DPH6: variants seen among roughly 807,000 people sequenced by gnomAD.
DPH6 encodes the protein diphthamine biosynthesis 6.
A neutral mutation model predicts 38.2 loss-of-function variants in DPH6; 33 were observed. The ratio of observed to expected loss-of-function variants is 0.86; its 90% CI spans 0.65 to 1.15. The LOEUF (loss-of-function observed/expected upper bound fraction) is 1.15, where lower values mean the gene tolerates loss of function less well. Ranked by LOEUF, DPH6 falls within the 50% of genes most tolerant of loss-of-function variation. The probability of loss-of-function intolerance (pLI) is 0.00; values close to 1 mark genes in which losing one functional copy is unlikely to be tolerated. For missense variants in DPH6, 325 were observed against 320.0 expected (o/e 1.02, Z -0.12); for synonymous variants, 108 against 103.0 (o/e 1.05, Z -0.30).
the DPH6 span, among the ~76,000 whole-genome samples, chr15:35,168,070 A>G: frequency 1.3e-5 from 2 of 152,064 alleles, no homozygotes. Flanking sequence ...TGAGACAAAA[A>G]AGACTTAACA....
At chr15:35,359,431 C>G (rs1310520664) in intron 3 of DPH6, among the ~76,000 whole-genome samples, 1 of 152,190 alleles carries the variant, frequency 6.6e-6, no homozygotes, top group East Asian at 1.9e-4. Context: ...TTACAAAGTT[C>G]AGCTAGAGAT....
At chr15:35,344,292 T>G (rs2052444964) in intron 3 of DPH6, among the ~76,000 whole-genome samples, 1 of 151,984 alleles carries the variant, frequency 6.6e-6, no homozygotes, top group African/African-American at 2.4e-5. Context: ...AGAAAAATAT[T>G]TGTTCCAAGC....
At chr15:35,268,216 T>TAAAA (rs904624491) in intron 3 of DPH6, among the ~76,000 whole-genome samples, 2 of 123,136 alleles carry the variant, frequency 1.6e-5, no homozygotes, top group African/African-American at 3.0e-5. Context: ...AATAAATAAA[T>TAAAA]AAAAGAAAAC....
chr15:35,178,921 T>C, the DPH6 span, among the ~76,000 whole-genome samples: 1 of 152,070 alleles, frequency 6.6e-6, no homozygotes, highest in African/African-American at 2.4e-5. Context: ...AAATGTGTTA[T>C]GCTGGCCGGA....
rs887062090 is a variant in DPH6 at position 35,240,443 on chromosome 15, T to C, written n.201-19861A>G. ...CTTCCTTTTCTACAGACCCATCTGATCTCTCCCCTCCTTGCCAGCCCAAGC... is the reference window on the plus strand; with the variant it reads ...CTTCCTTTTCTACAGACCCATCTGACCTCTCCCCTCCTTGCCAGCCCAAGC... On this transcript the variant is annotated intron_variant and non_coding_transcript_variant, in intron 3 of 3. Transcript: ENST00000560386. Among the ~76,000 whole-genome samples, 74 of 142,164 alleles carry C rather than the reference T, an allele frequency of 5.2e-4. 11 individuals carry two copies. Among genetic ancestry groups the C allele is most frequent in the Admixed American group, 3.9e-3 (51 of 12,990 alleles). The allele number at this position is 142,164 out of a possible 152,430, so 93.3% of individuals were successfully genotyped here.
chr15:35,544,801 T>C (rs1167951673), intron 1 of DPH6, among the ~76,000 whole-genome samples: 1 of 152,216 alleles, frequency 6.6e-6, no homozygotes, highest in African/African-American at 2.4e-5. Flanking sequence ...CAATCTTCTC[T>C]CCTCCCCTCC....
chr15:35,343,512 A>C (rs1406778861), intron 3 of DPH6, among the ~76,000 whole-genome samples: 3 of 152,014 alleles, frequency 2.0e-5, no homozygotes, highest in African/African-American at 7.2e-5. Context: ...AATACCACAC[A>C]AAAGTCCATG....
chr15:35,437,162 C>T (rs1412802417), intron 5 of DPH6, among the ~76,000 whole-genome samples: 1 of 152,056 alleles, frequency 6.6e-6, no homozygotes, highest in Non-Finnish European at 1.5e-5. Flanking sequence ...ACTTTCTCTC[C>T]CTCACATATC....
chr15:35,226,154 A>C (rs1474095130), intron 3 of DPH6, among the ~76,000 whole-genome samples: 2 of 142,566 alleles, frequency 1.4e-5, no homozygotes, highest in Non-Finnish European at 2.9e-5. Context: ...AAATAAAAAT[A>C]TTATTATAGA....
At chr15:35,406,901 A>T (rs2053300758) in intron 6 of DPH6, among the ~76,000 whole-genome samples, 1 of 152,052 alleles carries the variant, frequency 6.6e-6, no homozygotes, top group African/African-American at 2.4e-5. Context: ...TAAAACTGGT[A>T]GTTGAAGTCA....
At chr15:35,174,914 T>C in the DPH6 span, among the ~76,000 whole-genome samples, 1 of 151,584 alleles carries the variant, frequency 6.6e-6, no homozygotes. Context: ...ATTTAAAAAA[T>C]ATGTGTATCT....
chr15:35,300,448 G>GT (rs1261581067), intron 3 of DPH6, among the ~76,000 whole-genome samples: 1 of 152,196 alleles, frequency 6.6e-6, no homozygotes, highest in Non-Finnish European at 1.5e-5. Context: ...GGTTATGATT[G>GT]TAAGAACGGA....
intron 3 of DPH6, chr15:35,519,244 T>C (rs2054888429): frequency 6.6e-6 from 1 of 151,914 alleles, no homozygotes; most frequent in South Asian, 2.1e-4. Flanking sequence ...ATTGTGTAAC[T>C]CCCTTGGTTT....
intron 3 of DPH6, among the ~76,000 whole-genome samples, chr15:35,463,657 G>A (rs1270817654): frequency 1.3e-5 from 2 of 151,912 alleles, no homozygotes; most frequent in Non-Finnish European, 2.9e-5. Flanking sequence ...AGACCAAAGT[G>A]TAATAATTCT....
At chr15:35,468,072 A>G (rs1015968756) in intron 3 of DPH6, among the ~76,000 whole-genome samples, 5 of 152,250 alleles carry the variant, frequency 3.3e-5, no homozygotes, top group Non-Finnish European at 7.3e-5. Context: ...TTCTTGAAAA[A>G]TATTTCATTG....
chr15:35,261,471 G>C (rs2051745877), intron 3 of DPH6, among the ~76,000 whole-genome samples: 1 of 152,012 alleles, frequency 6.6e-6, no homozygotes, highest in Admixed American at 6.6e-5. Flanking sequence ...TACATATATG[G>C]TAGAAGTGCT....
intron 3 of DPH6, among the ~76,000 whole-genome samples, chr15:35,292,998 C>A (rs543538095): frequency 2.6e-5 from 4 of 151,994 alleles, no homozygotes; most frequent in Non-Finnish European, 4.4e-5. Context: ...TAATATGCTG[C>A]CATTTGGGTA....
intron 3 of DPH6, among the ~76,000 whole-genome samples, chr15:35,466,782 A>G (rs2054131649): frequency 6.6e-6 from 1 of 152,212 alleles, no homozygotes; most frequent in Non-Finnish European, 1.5e-5. Context: ...GCATATTACT[A>G]TACTGAATAC....
At chr15:35,161,149 A>T in the DPH6 span, among the ~76,000 whole-genome samples, 5 of 152,040 alleles carry the variant, frequency 3.3e-5, no homozygotes, top group Non-Finnish European at 1.5e-5. Flanking sequence ...ATAATAATAA[A>T]AAAAACACAA....
Sources: gnomAD v4.1 joint callset for allele counts (sites outside exome capture counted in the v4.1 genomes callset) on GRCh38, gnomAD v4.1.1 for gene constraint, MANE v1.5 for transcripts, NCBI Gene and HGNC (gene_info 2026-07-23, HGNC 2026-07-21) for gene names.